PFKFB3: variants seen among roughly 807,000 people sequenced by gnomAD.
PFKFB3 encodes 6-phosphofructo-2-kinase/fructose-2,6-bisphosphatase 3.
In PFKFB3, 33 loss-of-function variants were observed where a neutral mutation model predicts 68.0. The ratio of observed to expected loss-of-function variants is 0.49; its 90% CI spans 0.37 to 0.65. The LOEUF is 0.65. Among genes scored for constraint, PFKFB3 ranks in the 30% least tolerant of loss-of-function variants. The pLI, the probability that PFKFB3 is intolerant of heterozygous loss-of-function variation, is 0.00. For synonymous variants in PFKFB3, 315 were observed against 288.2 expected (o/e 1.09, Z -0.94); for missense variants, 586 against 712.2 (o/e 0.82, Z 2.02).
intron 1 of PFKFB3, among the ~76,000 whole-genome samples, chr10:6,206,811 G>A (rs12571429): frequency 0.044 from 710 of 15,998 alleles, 14 homozygotes; most frequent in South Asian, 0.066. Flanking sequence ...ATGGGCGGCC[G>A]GGCAGAGACG....
At chr10:6,163,885 C>T (rs1842042666) in intron 1 of PFKFB3, 1 of 152,378 alleles carries the variant, frequency 6.6e-6, no homozygotes, top group South Asian at 2.1e-4. Context: ...CTCGTGAGCT[C>T]CGCGTGGATC....
At chr10:6,298,094 G>A in the PFKFB3 span, among the ~76,000 whole-genome samples, 1 of 152,194 alleles carries the variant, frequency 6.6e-6, no homozygotes, top group Admixed American at 6.5e-5. Flanking sequence ...TTCTTGGCTA[G>A]CAGTCTGTTT....
At position 6,220,685 on chromosome 10, in the gene PFKFB3, C is replaced by T. The variant is rs150949806; in HGVS notation, c.651C>T (p.Asp217=). Residue 217 remains aspartate, a synonymous_variant, in exon 8 of 15, where the codon GAC becomes GAT. Transcript: ENST00000379775. This position sits in a 1 kb window ranked among gnomAD's most constrained non-coding sequence, Gnocchi z 4.1. ...DRDLSLIKVI[D]VGRRFLVNRV... ...ACTTGTCGCTGATCAAGGTGATTGACGTGGGCCGGAGGTTCCTGGTGAACC... is the reference window on the plus strand; with the variant it reads ...ACTTGTCGCTGATCAAGGTGATTGATGTGGGCCGGAGGTTCCTGGTGAACC... 4.5e-5 allele frequency: 72 copies of T among 1,613,806 alleles called. No homozygotes were observed. Among genetic ancestry groups the T allele is most frequent in the Admixed American group, 1.5e-4 (9 of 59,998 alleles).
the PFKFB3 span, among the ~76,000 whole-genome samples, chr10:6,296,012 G>T: frequency 6.6e-6 from 1 of 152,182 alleles, no homozygotes; most frequent in Admixed American, 6.5e-5. Context: ...CCAGCTGTGA[G>T]TTTCTGCTCC....
At chr10:6,218,715 G>T (rs903436925) in intron 6 of PFKFB3, among the ~76,000 whole-genome samples, 1 of 152,176 alleles carries the variant, frequency 6.6e-6, no homozygotes, top group African/African-American at 2.4e-5. Flanking sequence ...TTACAGGCGT[G>T]AGCCACTGCA....
In PFKFB3 at chr10:6,220,697, G is replaced by A. The variant is rs1368553148; in HGVS notation, c.663G>A (p.Arg221=). 1.2e-6 allele frequency: 2 copies of A among 1,614,068 alleles called. No individual in the cohort carries two copies. Among genetic ancestry groups the A allele is most frequent in the Non-Finnish European group, 1.7e-6 (2 of 1,180,024 alleles). ...TCAAGGTGATTGACGTGGGCCGGAGGTTCCTGGTGAACCGGGTGCAGGACC... is the reference window on the plus strand; with the variant it reads ...TCAAGGTGATTGACGTGGGCCGGAGATTCCTGGTGAACCGGGTGCAGGACC... The part of the protein sequence containing the change: ...SLIKVIDVGR[R]FLVNRVQDHI... The change falls in exon 8 of 15, where the codon AGG becomes AGA. Residue 221 remains arginine (R), a synonymous_variant. Transcript: ENST00000379775. The surrounding 1 kb of genome is among the most constrained non-coding windows in gnomAD (Gnocchi z 4.1).
intron 1 of PFKFB3, among the ~76,000 whole-genome samples, chr10:6,160,914 CTT>C (rs893279912): frequency 6.6e-6 from 1 of 151,654 alleles, no homozygotes; most frequent in African/African-American, 2.4e-5. Context: ...TGCATTTGGC[CTT>C]TTTTTAAATT....
At chr10:6,285,922 T>C in the PFKFB3 span, among the ~76,000 whole-genome samples, 1 of 152,072 alleles carries the variant, frequency 6.6e-6, no homozygotes, top group African/African-American at 2.4e-5. Flanking sequence ...TTTCATTGTA[T>C]GTATGTACTA....
intron 14 of PFKFB3, among the ~76,000 whole-genome samples, chr10:6,251,045 G>T (rs928784623): frequency 6.6e-6 from 1 of 152,182 alleles, no homozygotes; most frequent in Admixed American, 6.5e-5. Flanking sequence ...GTCCCCATGG[G>T]TATTTTTAGA....
In PFKFB3 at chr10:6,202,986, C is replaced by T; in HGVS notation, c.-275C>T. ...GGCCTGGTGGCGAGAGCGCGGCTGT[C>T]ACTGCGCCCGAGCATCCCAGAGCTT... is the stretch of plus-strand genomic sequence containing the variant. On this transcript the variant is annotated 5_prime_UTR_variant, in exon 1 of 15. Coordinates refer to ENST00000379775, the MANE Select transcript of PFKFB3 (RefSeq NM_004566.4). The T allele has an allele frequency of 1.5e-6, 2 of 1,312,730 alleles. No individual in the cohort carries two copies. Among genetic ancestry groups the T allele is most frequent in the South Asian group, 1.9e-5 (1 of 53,420 alleles). 81.3% of individuals were successfully genotyped at this position (1,312,730 alleles called of 1,614,324 possible). A position where few individuals can be genotyped will look rare whatever the true frequency, so the allele number is the denominator to read the frequency against.
intron 7 of PFKFB3, among the ~76,000 whole-genome samples, chr10:6,219,978 CTG>C (rs1407248444): frequency 5.9e-5 from 9 of 152,174 alleles, no homozygotes; most frequent in Admixed American, 3.9e-4. Context: ...ATTTTGAACA[CTG>C]TGTAGAAGTA....
chr10:6,264,181 C>CTTCT, the PFKFB3 span, among the ~76,000 whole-genome samples: 7 of 152,194 alleles, frequency 4.6e-5, no homozygotes, highest in Non-Finnish European at 1.0e-4. Context: ...TCTAGAGGGA[C>CTTCT]TGCTTCTAGA....
At chr10:6,199,190 A>G (rs952605490), upstream of PFKFB3, among the ~76,000 whole-genome samples, 8 of 152,246 alleles carry the variant, frequency 5.3e-5, no homozygotes, top group African/African-American at 1.7e-4. Context: ...GCAACTTCTG[A>G]TTGCTCCCAG....
chr10:6,171,375 C>G (rs180767256), intron 1 of PFKFB3, among the ~76,000 whole-genome samples: 1 of 151,704 alleles, frequency 6.6e-6, no homozygotes, highest in African/African-American at 2.4e-5. Context: ...ATTTTTAACT[C>G]ATCTTTTAAA....
At chr10:6,194,628 G>C (rs1484452302) in intron 1 of PFKFB3, among the ~76,000 whole-genome samples, 2 of 152,134 alleles carry the variant, frequency 1.3e-5, no homozygotes, top group Non-Finnish European at 2.9e-5. Context: ...TCTGATAATG[G>C]AGCAAACAGC....
In PFKFB3 at chr10:6,232,876, T is replaced by A. The variant is rs1026269538; in HGVS notation, c.1516-19T>A. On this transcript the variant is annotated intron_variant, in intron 14 of 14. Coordinates refer to ENST00000379775, the MANE Select transcript of PFKFB3 (RefSeq NM_004566.4). ...CAAATCCTAACTCCCTCCCCACCTC[T>A]CTTTTCTCCTGAAAACAGAACATGA... 2 of 1,608,856 alleles carry A rather than the reference T, an allele frequency of 1.2e-6. No individual in the cohort carries two copies. Among genetic ancestry groups the A allele is most frequent in the African/African-American group, 1.3e-5 (1 of 74,842 alleles).
chr10:6,281,182 T>TATATATATATATATATATATATACAC, the PFKFB3 span, among the ~76,000 whole-genome samples: 2 of 133,612 alleles, frequency 1.5e-5, no homozygotes, highest in African/African-American at 5.3e-5. Flanking sequence ...TATATATATA[T>TATATATATATATATATATATATACAC]ACACCACAGT....
intron 1 of PFKFB3, among the ~76,000 whole-genome samples, chr10:6,172,325 G>A (rs767794184): frequency 6.6e-6 from 1 of 152,226 alleles, no homozygotes; most frequent in Non-Finnish European, 1.5e-5. Context: ...AGAGGAGGCA[G>A]AGGAGTCCAA....
the PFKFB3 span, among the ~76,000 whole-genome samples, chr10:6,303,419 C>T: frequency 6.6e-6 from 1 of 152,106 alleles, no homozygotes; most frequent in African/African-American, 2.4e-5. Context: ...ACGATGGTTT[C>T]ATATTACAAT....
Sources: gnomAD v4.1 joint callset for allele counts (sites outside exome capture counted in the v4.1 genomes callset) on GRCh38, gnomAD v4.1.1 for gene constraint, Gnocchi (gnomAD v3.1) non-coding constraint, MANE v1.5 for transcripts, NCBI Gene and HGNC (gene_info 2026-07-23, HGNC 2026-07-21) for gene names.